SRGAP3: variants seen among roughly 807,000 people sequenced by gnomAD.
SRGAP3 encodes SLIT-ROBO Rho GTPase activating protein 3, also known as SLIT-ROBO Rho GTPase-activating protein 3.
In SRGAP3, 39 loss-of-function variants were observed where a neutral mutation model predicts 121.1. The observed-to-expected ratio is 0.32, with a 90% CI of 0.25 to 0.42. The LOEUF (loss-of-function observed/expected upper bound fraction) is 0.42. Among genes scored for constraint, SRGAP3 ranks in the 10% least tolerant of loss-of-function variants. The pLI is 1.00. For synonymous variants in SRGAP3, 601 were observed against 570.0 expected, an observed-to-expected ratio of 1.05 and a Z score of -0.77; for missense variants, 1,213 against 1,470.6, an observed-to-expected ratio of 0.82 and a Z score of 2.86.
At chr3:9,031,112 T>A (rs1221398084) in intron 12 of SRGAP3, among the ~76,000 whole-genome samples, 2 of 152,058 alleles carry the variant, frequency 1.3e-5, no homozygotes, top group African/African-American at 4.8e-5. Context: ...ACTGCGCCTA[T>A]CCTAAACTTG....
At chr3:9,272,089 C>T (rs1329698417) in intron 3 of SRGAP3, among the ~76,000 whole-genome samples, 1 of 152,256 alleles carries the variant, frequency 6.6e-6, no homozygotes, top group Non-Finnish European at 1.5e-5. Flanking sequence ...TTGTCCACTA[C>T]AACCTGCCTT....
rs1030630241 is a variant in SRGAP3, at chr3:8,982,229, A to G, written c.*3290T>C. The G allele has an allele frequency of 8.8e-6, 2 of 226,370 alleles. No homozygotes were observed. The highest frequency in any genetic ancestry group is 1.3e-3 in the Middle Eastern group (1 of 750). 14.0% of individuals were successfully genotyped at this position (226,370 alleles called of 1,614,324 possible). On this transcript the variant is annotated 3_prime_UTR_variant, in exon 22 of 22. Transcript: ENST00000383836. Reference sequence around the variant, plus strand: ...GAACGTCGGTTACACATAAAGACAAAAGGCTTGACCTCAGGATAAGTCGAA... The same window carrying G: ...GAACGTCGGTTACACATAAAGACAAGAGGCTTGACCTCAGGATAAGTCGAA...
At chr3:9,329,899 C>T (rs892737089) in intron 2 of SRGAP3, among the ~76,000 whole-genome samples, 2 of 152,134 alleles carry the variant, frequency 1.3e-5, no homozygotes, top group Non-Finnish European at 2.9e-5. Flanking sequence ...GTTGACATCC[C>T]ACAGTGCCAA....
chr3:9,016,148 A>G (rs1212558810), intron 14 of SRGAP3, among the ~76,000 whole-genome samples: 1 of 152,204 alleles, frequency 6.6e-6, no homozygotes, highest in Non-Finnish European at 1.5e-5. Context: ...TATTACACCT[A>G]AGAAAATTAA....
intron 1 of SRGAP3, among the ~76,000 whole-genome samples, chr3:9,167,941 C>T (rs1348656772): frequency 6.6e-6 from 1 of 152,178 alleles, no homozygotes; most frequent in East Asian, 1.9e-4. Context: ...CACCTAATGA[C>T]AAATAATGGT....
intron 3 of SRGAP3, among the ~76,000 whole-genome samples, chr3:9,299,828 C>G (rs1241876396): frequency 2.0e-5 from 3 of 152,040 alleles, no homozygotes; most frequent in Non-Finnish European, 4.4e-5. Flanking sequence ...GAGATTGAAC[C>G]TGGGAGGCGG....
intron 2 of SRGAP3, among the ~76,000 whole-genome samples, chr3:9,113,489 A>C (rs577197122): frequency 6.6e-6 from 1 of 152,184 alleles, no homozygotes; most frequent in African/African-American, 2.4e-5. Flanking sequence ...CAATGACCTC[A>C]TTTTTATCTG....
At chr3:9,007,809 C>T (rs1179491177) in intron 18 of SRGAP3, 1 of 152,146 alleles carries the variant, frequency 6.6e-6, no homozygotes, top group African/African-American at 2.4e-5. Context: ...TCCCTCTGTG[C>T]TTCAACTCCA....
At chr3:9,120,219 T>C (rs185593591) in intron 2 of SRGAP3, among the ~76,000 whole-genome samples, 15 of 152,338 alleles carry the variant, frequency 9.8e-5, no homozygotes, top group Admixed American at 7.8e-4. Flanking sequence ...ATTGGTGGAA[T>C]AAGCAAATAA....
chr3:9,071,945 G>A (rs1029864619), intron 4 of SRGAP3, among the ~76,000 whole-genome samples: 2 of 152,218 alleles, frequency 1.3e-5, no homozygotes, highest in African/African-American at 4.8e-5. Flanking sequence ...AGACAAATCA[G>A]TGTGTGAGCC....
intron 18 of SRGAP3, among the ~76,000 whole-genome samples, chr3:9,008,874 G>A (rs1458827652): frequency 6.6e-6 from 1 of 152,172 alleles, no homozygotes; most frequent in Non-Finnish European, 1.5e-5. Flanking sequence ...GACCTCTCTT[G>A]GAACCATTAT....
intron 3 of SRGAP3, among the ~76,000 whole-genome samples, chr3:9,271,207 G>A (rs981604636): frequency 1.3e-5 from 2 of 152,180 alleles, no homozygotes; most frequent in Non-Finnish European, 2.9e-5. Flanking sequence ...GGTGGCATGC[G>A]CCTGTAATCC....
At chr3:9,201,004 G>T (rs1952051310) in intron 1 of SRGAP3, among the ~76,000 whole-genome samples, 1 of 152,178 alleles carries the variant, frequency 6.6e-6, no homozygotes, top group African/African-American at 2.4e-5. Context: ...GCAGAGGAGG[G>T]TCAGCATGTT....
At chr3:9,121,936 G>C (rs1389327647) in intron 2 of SRGAP3, among the ~76,000 whole-genome samples, 1 of 152,130 alleles carries the variant, frequency 6.6e-6, no homozygotes, top group Non-Finnish European at 1.5e-5. Flanking sequence ...TTCCAGGGAG[G>C]GTCCAGATGT....
chr3:9,081,151 C>A (rs2125267778), intron 3 of SRGAP3: 1 of 402,228 alleles, frequency 2.5e-6, no homozygotes, highest in South Asian at 1.8e-5. Context: ...GCCTTCCTAG[C>A]TTTCAAGGAC....
chr3:9,020,050 A>G (rs1035986061), intron 14 of SRGAP3, among the ~76,000 whole-genome samples: 6 of 152,234 alleles, frequency 3.9e-5, no homozygotes, highest in Non-Finnish European at 7.3e-5. Context: ...ATTGCATGTC[A>G]CTAAGGGAGA....
chr3:9,008,031 C>T (rs1943170030), intron 18 of SRGAP3: 1 of 152,242 alleles, frequency 6.6e-6, no homozygotes, highest in South Asian at 2.1e-4. Flanking sequence ...CAGACTGTGG[C>T]TTCTTCCTTC....
At chr3:9,050,465 C>T (rs1945512631) in intron 9 of SRGAP3, among the ~76,000 whole-genome samples, 1 of 152,178 alleles carries the variant, frequency 6.6e-6, no homozygotes, top group Non-Finnish European at 1.5e-5. Flanking sequence ...ACCTGAAGAA[C>T]AACGAATGTC....
intron 3 of SRGAP3, among the ~76,000 whole-genome samples, chr3:9,290,429 A>T (rs982891253): frequency 6.6e-6 from 1 of 152,120 alleles, no homozygotes; most frequent in Non-Finnish European, 1.5e-5. Context: ...GCAAGATTGG[A>T]GCTGGAGATG....
Sources: gnomAD v4.1 joint callset for allele counts (sites outside exome capture counted in the v4.1 genomes callset) on GRCh38, gnomAD v4.1.1 for gene constraint, MANE v1.5 for transcripts, NCBI Gene and HGNC (gene_info 2026-07-23, HGNC 2026-07-21) for gene names.